The following BRINP3 variants were observed in gnomAD, a reference collection of about 807,000 sequenced individuals.
BRINP3 encodes the protein BMP/retinoic acid-inducible neural-specific protein 3.
Under a neutral mutation model 71.0 loss-of-function variants are expected in BRINP3, and 19 were observed. That is an observed-to-expected ratio of 0.27 (90% CI 0.19 to 0.39). The LOEUF (loss-of-function observed/expected upper bound fraction) is 0.39. Ranked by LOEUF, BRINP3 falls within the 10% of genes least tolerant of loss-of-function variation. The pLI is 1.00. For synonymous variants in BRINP3, 380 were observed against 337.7 expected (o/e 1.13, Z -1.37); for missense variants, 959 against 940.8 (o/e 1.02, Z -0.25).
intron 1 of BRINP3, among the ~76,000 whole-genome samples, chr1:190,468,914 A>G (rs924723930): frequency 6.6e-5 from 10 of 150,874 alleles, no homozygotes; most frequent in Admixed American, 6.6e-4. Flanking sequence ...TTAAGTTTCA[A>G]TTCACAGAGA....
intron 2 of BRINP3, among the ~76,000 whole-genome samples, chr1:190,328,871 G>A (rs954876008): frequency 1.3e-5 from 2 of 151,862 alleles, no homozygotes; most frequent in Admixed American, 6.6e-5. Context: ...GTTCAACATA[G>A]AGAAATCAGT....
rs1295825176 is a variant in BRINP3, at chr1:190,160,374, C to T, written c.1184+294G>A. Among the ~76,000 whole-genome samples, 3 of 151,964 alleles carry T rather than the reference C, an allele frequency of 2.0e-5. No homozygotes were observed. The East Asian group carries it at 5.8e-4, about 29-fold the overall frequency. ...CCATAGGGCTTTGTGCTTTTCTGCT[C>T]ACTGTAATGCAATTATTAGTTGGCT... On this transcript the variant is annotated intron_variant, in intron 7 of 7. Transcript: ENST00000367462.
chr1:190,335,860 C>T (rs1392506117), intron 2 of BRINP3, among the ~76,000 whole-genome samples: 1 of 151,906 alleles, frequency 6.6e-6, no homozygotes, highest in Non-Finnish European at 1.5e-5. Context: ...TTGTGGTAGA[C>T]AAACTCAAGG....
At chr1:190,342,831 T>A (rs1379051802) in intron 2 of BRINP3, 1 of 151,824 alleles carries the variant, frequency 6.6e-6, no homozygotes, top group African/African-American at 2.4e-5. Flanking sequence ...TAAATATAGA[T>A]GTTTAAACAT....
intron 7 of BRINP3, among the ~76,000 whole-genome samples, chr1:190,126,278 C>T (rs1169230618): frequency 6.6e-6 from 1 of 151,858 alleles, no homozygotes; most frequent in Non-Finnish European, 1.5e-5. Flanking sequence ...AGAACATTGG[C>T]TTTTCTACAT....
intron 2 of BRINP3, among the ~76,000 whole-genome samples, chr1:190,409,635 A>T (rs910887795): frequency 6.6e-6 from 1 of 152,198 alleles, no homozygotes; most frequent in African/African-American, 2.4e-5. Context: ...AAATGATGTG[A>T]ATATCTCACT....
chr1:190,272,918 A>G (rs956233263), intron 3 of BRINP3, among the ~76,000 whole-genome samples: 1 of 151,518 alleles, frequency 6.6e-6, no homozygotes, highest in Non-Finnish European at 1.5e-5. Flanking sequence ...AGAGCACATG[A>G]CTATTTGATG....
At chr1:190,443,634 G>A (rs72731180) in intron 2 of BRINP3, among the ~76,000 whole-genome samples, 1 of 152,136 alleles carries the variant, frequency 6.6e-6, no homozygotes, top group East Asian at 1.9e-4. Context: ...TTCCCAGAAA[G>A]ATGTTGTAAA....
rs568898253 is a variant in BRINP3, at chr1:190,312,216, G to T, written c.237-30466C>A. Among the ~76,000 whole-genome samples the T allele has an allele frequency of 1.5e-4, 23 of 150,618 alleles. No individual in the cohort carries two copies. In the South Asian group the frequency reaches 4.8e-3, roughly 31 times the overall value. ...TCGTAAATTGCGAATTTATGTTATT[G>T]CAAAGTTCAATATAAAAAACTCCTA... On this transcript the variant is annotated intron_variant, in intron 2 of 7. Transcript: ENST00000367462.
intron 2 of BRINP3, among the ~76,000 whole-genome samples, chr1:190,307,489 T>G (rs1665199658): frequency 6.6e-6 from 1 of 151,838 alleles, no homozygotes; most frequent in African/African-American, 2.4e-5. Context: ...AAGAAAAGTC[T>G]GGGCTATTAG....
intron 7 of BRINP3, among the ~76,000 whole-genome samples, chr1:190,119,506 C>T (rs1280427445): frequency 6.6e-6 from 1 of 152,056 alleles, no homozygotes; most frequent in Non-Finnish European, 1.5e-5. Context: ...AAAGTCTGAC[C>T]TTGTGATCCT....
At chr1:190,414,614 C>T (rs1051466682) in intron 2 of BRINP3, among the ~76,000 whole-genome samples, 15 of 152,088 alleles carry the variant, frequency 9.9e-5, no homozygotes. Context: ...TAGAAAGAGG[C>T]AAATGGGAAT....
At chr1:190,119,577 G>A (rs1212462471) in intron 7 of BRINP3, among the ~76,000 whole-genome samples, 3 of 152,038 alleles carry the variant, frequency 2.0e-5, no homozygotes, top group South Asian at 2.1e-4. Flanking sequence ...GTGAGCTACC[G>A]TGCCCAGCCC....
At chr1:190,327,353 A>G (rs1171377) in intron 2 of BRINP3, among the ~76,000 whole-genome samples, 9 of 118,808 alleles carry the variant, frequency 7.6e-5, no homozygotes, top group East Asian at 7.2e-4. Context: ...AAAAAAAAGG[A>G]AAAAAAAAAA....
intron 4 of BRINP3, among the ~76,000 whole-genome samples, chr1:190,237,701 C>A (rs1191895340): frequency 6.6e-6 from 1 of 151,962 alleles, no homozygotes; most frequent in Non-Finnish European, 1.5e-5. Context: ...ATGGCCTTTA[C>A]CTTTTCACAC....
intron 4 of BRINP3, among the ~76,000 whole-genome samples, chr1:190,243,001 TAAATTATCCTCTATC>T (rs1049542898): frequency 1.4e-4 from 21 of 152,102 alleles, no homozygotes; most frequent in African/African-American, 4.8e-4. Flanking sequence ...TCATAGCCTA[TAAATTATCCTCTATC>T]AAAATAATAC....
intron 7 of BRINP3, among the ~76,000 whole-genome samples, chr1:190,132,364 C>T (rs922043386): frequency 3.3e-5 from 5 of 151,872 alleles, no homozygotes; most frequent in Non-Finnish European, 4.4e-5. Flanking sequence ...TTACAATTTT[C>T]GTAGTGTATT....
At chr1:190,448,374 T>C (rs889639315) in intron 2 of BRINP3, among the ~76,000 whole-genome samples, 8 of 151,734 alleles carry the variant, frequency 5.3e-5, no homozygotes, top group Non-Finnish European at 1.5e-5. Context: ...ATGTTACATA[T>C]TTAGTGCACA....
intron 2 of BRINP3, among the ~76,000 whole-genome samples, chr1:190,297,138 C>T (rs776737407): frequency 1.3e-5 from 2 of 151,860 alleles, no homozygotes; most frequent in Middle Eastern, 3.2e-3. Context: ...AGACTTTATA[C>T]CTCCTGATTT....
Sources: allele counts gnomAD v4.1 joint callset (sites outside exome capture counted in the v4.1 genomes callset), GRCh38; gene constraint gnomAD v4.1.1; transcripts MANE v1.5; gene names NCBI Gene and HGNC (gene_info 2026-07-23, HGNC 2026-07-21).